The following REDIC1 variants were observed in gnomAD, a reference collection of about 807,000 sequenced individuals.
REDIC1 encodes the protein HEI10 Interacting Protein 1.
At chr12:39,858,098 A>G in the REDIC1 span, among the ~76,000 whole-genome samples, 1 of 152,214 alleles carries the variant, frequency 6.6e-6, no homozygotes, top group Non-Finnish European at 1.5e-5. Context: ...TAAATGGCAA[A>G]CTTCCTCCAA....
the REDIC1 span, among the ~76,000 whole-genome samples, chr12:39,880,429 A>G: frequency 3.3e-5 from 5 of 152,230 alleles, no homozygotes; most frequent in Admixed American, 6.5e-5. Flanking sequence ...TATAACATGC[A>G]AGACATAAAG....
At chr12:39,632,123 ATC>A in the REDIC1 span, among the ~76,000 whole-genome samples, 1 of 151,696 alleles carries the variant, frequency 6.6e-6, no homozygotes, top group African/African-American at 2.4e-5. Flanking sequence ...TTGAGATGGA[ATC>A]TCTCTCTGTT....
At chr12:39,711,693 GTGTA>G in the REDIC1 span, among the ~76,000 whole-genome samples, 7 of 40,650 alleles carry the variant, frequency 1.7e-4, no homozygotes, top group South Asian at 6.6e-4. Flanking sequence ...GCACATGTAT[GTGTA>G]TGTGTATACA....
At chr12:39,895,235 A>G in the REDIC1 span, among the ~76,000 whole-genome samples, 2 of 151,938 alleles carry the variant, frequency 1.3e-5, no homozygotes, top group Admixed American at 6.6e-5. Context: ...ACTAAACTGA[A>G]TAAGTCATTT....
chr12:39,817,939 T>C, the REDIC1 span, among the ~76,000 whole-genome samples: 25 of 152,210 alleles, frequency 1.6e-4, no homozygotes, highest in Non-Finnish European at 2.9e-4. Flanking sequence ...TCCTTGAACT[T>C]GTCTAGGTCT....
the REDIC1 span, among the ~76,000 whole-genome samples, chr12:39,725,535 G>A: frequency 1.3e-5 from 2 of 151,702 alleles, no homozygotes; most frequent in Admixed American, 1.3e-4. Flanking sequence ...GTTTTATTTC[G>A]CAGTACTGTC....
the REDIC1 span, among the ~76,000 whole-genome samples, chr12:39,660,901 T>A: frequency 1.3e-5 from 2 of 152,154 alleles, no homozygotes; most frequent in African/African-American, 4.8e-5. Context: ...CTCCCACATG[T>A]GAGTGAGTAC....
chr12:39,770,908 C>T, the REDIC1 span, among the ~76,000 whole-genome samples: 6 of 151,948 alleles, frequency 3.9e-5, no homozygotes. Context: ...GCTGGGACAC[C>T]CAGGTAAAGT....
At chr12:39,683,386 T>C in the REDIC1 span, 1 of 1,490,352 alleles carries the variant, frequency 6.7e-7, no homozygotes, top group Non-Finnish European at 9.3e-7. Flanking sequence ...GCTAAATTTT[T>C]AACTCGGTGC....
the REDIC1 span, among the ~76,000 whole-genome samples, chr12:39,735,791 G>A: frequency 8.5e-5 from 13 of 152,170 alleles, no homozygotes; most frequent in African/African-American, 3.1e-4. Flanking sequence ...CTAAACAATA[G>A]GGCTTTTAAG....
At chr12:39,789,245 C>T in the REDIC1 span, among the ~76,000 whole-genome samples, 2 of 151,870 alleles carry the variant, frequency 1.3e-5, no homozygotes, top group Non-Finnish European at 2.9e-5. Flanking sequence ...ATTTTCTACG[C>T]ATGTACTCCT....
At chr12:39,751,612 T>C in the REDIC1 span, among the ~76,000 whole-genome samples, 1 of 152,198 alleles carries the variant, frequency 6.6e-6, no homozygotes, top group African/African-American at 2.4e-5. Flanking sequence ...TGTATGTTTA[T>C]TGCGGCACTA....
At chr12:39,653,237 T>C in the REDIC1 span, among the ~76,000 whole-genome samples, 1 of 152,090 alleles carries the variant, frequency 6.6e-6, no homozygotes, top group African/African-American at 2.4e-5. Flanking sequence ...TTTCAGGCTA[T>C]AAGCCTTGTT....
At chr12:39,905,592 T>C in the REDIC1 span, among the ~76,000 whole-genome samples, 1 of 152,104 alleles carries the variant, frequency 6.6e-6, no homozygotes, top group African/African-American at 2.4e-5. Context: ...TGTGTATGAG[T>C]GAATTTTCCT....
At chr12:39,639,395 T>C in the REDIC1 span, among the ~76,000 whole-genome samples, 1 of 151,994 alleles carries the variant, frequency 6.6e-6, no homozygotes, top group Admixed American at 6.6e-5. Context: ...GGTTAGTTCT[T>C]GCATGGGGGA....
At chr12:39,632,931 A>G in the REDIC1 span, among the ~76,000 whole-genome samples, 1 of 152,184 alleles carries the variant, frequency 6.6e-6, no homozygotes, top group African/African-American at 2.4e-5. Context: ...AATGTGAAGC[A>G]TTAGGACATT....
chr12:39,747,273 A>G, the REDIC1 span, among the ~76,000 whole-genome samples: 1 of 152,360 alleles, frequency 6.6e-6, no homozygotes, highest in African/African-American at 2.4e-5. Flanking sequence ...GAACTACATG[A>G]CGAATGCACA....
the REDIC1 span, among the ~76,000 whole-genome samples, chr12:39,899,281 A>G: frequency 3.3e-5 from 5 of 152,136 alleles, no homozygotes; most frequent in Admixed American, 1.3e-4. Flanking sequence ...AGGTGTTTGC[A>G]GTATTCTCTG....
chr12:39,718,790 G>A, the REDIC1 span, among the ~76,000 whole-genome samples: 10 of 151,974 alleles, frequency 6.6e-5, no homozygotes, highest in Non-Finnish European at 1.5e-4. Context: ...TTCTTGGTCT[G>A]CAGAAGCTGC....
Sources: gnomAD v4.1 joint callset for allele counts (sites outside exome capture counted in the v4.1 genomes callset) on GRCh38, gnomAD v4.1.1 for gene constraint, MANE v1.5 for transcripts, NCBI Gene and HGNC (gene_info 2026-07-23, HGNC 2026-07-21) for gene names.